The following HK1 variants were observed in gnomAD, a reference collection of about 807,000 sequenced individuals.
HK1 encodes the protein hexokinase 1.
A neutral mutation model predicts 91.6 loss-of-function variants in HK1; 28 were observed. The observed-to-expected ratio is 0.31, with a 90% CI of 0.23 to 0.42. The LOEUF (loss-of-function observed/expected upper bound fraction) is 0.42. HK1 is among the 10% of genes least tolerant of loss of function. HK1 has a pLI of 1.00. For missense variants in HK1, 770 were observed against 1,219.8 expected, an observed-to-expected ratio of 0.63 and a Z score of 5.49; for synonymous variants, 430 against 468.1, an observed-to-expected ratio of 0.92 and a Z score of 1.05.
In HK1 at chr10:69,385,114, G is replaced by A. The variant is rs55905533; in HGVS notation, c.1839+199G>A. ...TCTCTCTTCTTTTCTCTTTGAAAGCGTCACCTTTTCTGGGAAACCTTCTGG... is the reference window on the plus strand; with the variant it reads ...TCTCTCTTCTTTTCTCTTTGAAAGCATCACCTTTTCTGGGAAACCTTCTGG... On this transcript the variant is annotated intron_variant, in intron 12 of 17. Coordinates refer to ENST00000359426, the MANE Select transcript of HK1 (RefSeq NM_000188.3). Among the ~76,000 whole-genome samples, 314 of 152,302 alleles carry A rather than the reference G, an allele frequency of 2.1e-3. 2 individuals are homozygous for A. Among genetic ancestry groups the A allele is most frequent in the African/African-American group, 7.3e-3 (304 of 41,552 alleles).
chr10:69,368,044 A>G (rs1222179529), intron 4 of HK1, among the ~76,000 whole-genome samples: 1 of 152,196 alleles, frequency 6.6e-6, no homozygotes, highest in African/African-American at 2.4e-5. Context: ...CATTCCCTAA[A>G]TGTCTGGGAC....
In HK1 at chr10:69,384,798, G is replaced by A; in HGVS notation, c.1722G>A (p.Leu574=). The change falls in exon 12 of 18, where the codon CTG becomes CTA. Residue 574 remains leucine, a splice_region_variant and synonymous_variant. Coordinates refer to ENST00000359426, the MANE Select transcript of HK1 (RefSeq NM_000188.3). Reference sequence around the variant, plus strand: ...CGATCCTTTCTTTTCCCCTGCAGCTGTTTGATCACATTGTCTCCTGCATCT... The same window carrying A: ...CGATCCTTTCTTTTCCCCTGCAGCTATTTGATCACATTGTCTCCTGCATCT... The part of the protein sequence containing the change: ...IEIMQGTGEE[L]FDHIVSCISD... 1 of 1,614,194 alleles carries A rather than the reference G, an allele frequency of 6.2e-7. No homozygotes were observed. The highest frequency in any genetic ancestry group is 1.1e-5 in the South Asian group (1 of 91,070).
At chr10:69,384,160 TGTG>T (rs1366825860) in intron 10 of HK1, among the ~76,000 whole-genome samples, 170 bp from the exon 11 acceptor site, 1 of 152,196 alleles carries the variant, frequency 6.6e-6, no homozygotes, top group African/African-American at 2.4e-5. Flanking sequence ...TGGTCAGAGA[TGTG>T]GTGCCCACTC....
intron 4 of HK1, among the ~76,000 whole-genome samples, chr10:69,365,381 G>T (rs1291120674): frequency 6.6e-6 from 1 of 152,148 alleles, no homozygotes; most frequent in Non-Finnish European, 1.5e-5. Context: ...GAGGTGACTT[G>T]TTGTACCCAC....
upstream of HK1, among the ~76,000 whole-genome samples, chr10:69,311,464 T>A (rs575122733): frequency 6.6e-6 from 1 of 152,272 alleles, no homozygotes; most frequent in South Asian, 2.1e-4. Context: ...GGGAGAACTA[T>A]CCCAGGAAAC....
chr10:69,297,811 G>A (rs1289005733), intron 4 of HK1, among the ~76,000 whole-genome samples: 1 of 150,896 alleles, frequency 6.6e-6, no homozygotes, highest in African/African-American at 2.5e-5. Flanking sequence ...CACGAGAATC[G>A]CTTGAACCTG....
At chr10:69,392,414 C>CAG (rs1040378465) in intron 15 of HK1, 106 bp downstream of exon 15, 134 of 1,236,784 alleles carry the variant, frequency 1.1e-4, no homozygotes, top group Non-Finnish European at 1.4e-4. Flanking sequence ...GAGGTCTGAA[C>CAG]AGAGGTTTCA....
chr10:69,382,673 G>A lies in HK1; in HGVS notation c.1452G>A (p.Leu484=). 1.2e-6 allele frequency: 2 copies of A among 1,613,982 alleles called. No homozygotes were observed. The highest frequency in any genetic ancestry group is 1.7e-6 in the Non-Finnish European group (2 of 1,179,994). Residue 484 remains leucine, a synonymous_variant, in exon 10 of 18, where the codon CTG becomes CTA. Coordinates refer to ENST00000359426, the MANE Select transcript of HK1 (RefSeq NM_000188.3). ...ATTTCCACCTCACCAAGGACATGCT[G>A]CTGGAGGTGAAGAAGAGGATGCGGG... The part of the protein sequence containing the change: ...LAHFHLTKDM[L]LEVKKRMRAE...
chr10:69,324,053 A>G (rs540186177), intron 1 of HK1, among the ~76,000 whole-genome samples: 4 of 152,204 alleles, frequency 2.6e-5, no homozygotes, highest in African/African-American at 7.2e-5. Context: ...TTATTTTTTT[A>G]TAGAGACAGG....
At chr10:69,325,426 C>T (rs1249170769) in intron 1 of HK1, among the ~76,000 whole-genome samples, 3 of 151,582 alleles carry the variant, frequency 2.0e-5, no homozygotes, top group Non-Finnish European at 2.9e-5. Flanking sequence ...GATGTGATCT[C>T]GGCTCATTGC....
intron 1 of HK1, among the ~76,000 whole-genome samples, chr10:69,335,752 G>A (rs981899535): frequency 4.6e-5 from 7 of 152,162 alleles, no homozygotes; most frequent in African/African-American, 9.7e-5. Flanking sequence ...TCATAGGAAC[G>A]CACCCACTTG....
At chr10:69,393,583 C>T (rs1260316149) in intron 15 of HK1, among the ~76,000 whole-genome samples, 1 of 152,266 alleles carries the variant, frequency 6.6e-6, no homozygotes, top group East Asian at 1.9e-4. Context: ...AGGCGTGAGC[C>T]ACCGTGCCCA....
At chr10:69,307,176 T>C (rs1711643563) in intron 5 of HK1, among the ~76,000 whole-genome samples, 1 of 151,970 alleles carries the variant, frequency 6.6e-6, no homozygotes, top group Non-Finnish European at 1.5e-5. Context: ...ACAAGAGTGA[T>C]TCTTTGGGAA....
chr10:69,381,546 CTTTTTTTTTT>C (rs35306200), intron 9 of HK1, among the ~76,000 whole-genome samples: 6 of 132,246 alleles, frequency 4.5e-5, no homozygotes, highest in African/African-American at 1.8e-4. Flanking sequence ...TCATCTTAAC[CTTTTTTTTTT>C]TTTTTTTTTG....
intron 14 of HK1, among the ~76,000 whole-genome samples, chr10:69,391,607 A>G (rs1215465705): frequency 6.6e-6 from 1 of 152,352 alleles, no homozygotes; most frequent in Non-Finnish European, 1.5e-5. Flanking sequence ...GCGCCGCTGC[A>G]CTCCAGCCTG....
intron 2 of HK1, among the ~76,000 whole-genome samples, chr10:69,351,073 G>C (rs1048338402): frequency 4.6e-5 from 7 of 151,684 alleles, no homozygotes; most frequent in African/African-American, 1.7e-4. Flanking sequence ...TACTTGGGAG[G>C]CTGAGGCAGG....
chr10:69,384,707 G>A lies in HK1; in HGVS notation c.1720-89G>A, dbSNP rs190135202. On this transcript the variant is annotated intron_variant, in intron 11 of 17. Coordinates refer to ENST00000359426, the MANE Select transcript of HK1 (RefSeq NM_000188.3). ...ATGTGTGTGGGGTGTGTTTTCCTAC[G>A]TGTGTGTGTGTATACACACTTTGGT... is the stretch of plus-strand genomic sequence containing the variant. 75 of 1,465,690 alleles carry A rather than the reference G, an allele frequency of 5.1e-5. No individual in the cohort carries two copies. In the African/African-American group the frequency reaches 5.7e-4, roughly 11 times the overall value. The allele number at this position is 1,465,690 out of a possible 1,614,324, so 90.8% of individuals were successfully genotyped here.
At chr10:69,318,166 A>G (rs1428016955), upstream of HK1, 4 of 985,302 alleles carry the variant, frequency 4.1e-6, no homozygotes, top group South Asian at 4.7e-5. Context: ...GTTCAGCAAT[A>G]CAAATCTGCC....
chr10:69,289,835 G>T (rs1301659623), intron 3 of HK1, among the ~76,000 whole-genome samples: 3 of 149,868 alleles, frequency 2.0e-5, no homozygotes, highest in Non-Finnish European at 4.4e-5. Context: ...TTCCCAGGCT[G>T]GTGTTGAACT....
Sources: allele counts gnomAD v4.1 joint callset (sites outside exome capture counted in the v4.1 genomes callset), GRCh38; gene constraint gnomAD v4.1.1; transcripts MANE v1.5; gene names NCBI Gene and HGNC (gene_info 2026-07-23, HGNC 2026-07-21).